Variants in PRKG1 observed in about 807,000 individuals in gnomAD.
PRKG1 encodes cGMP-dependent protein kinase 1.
Under a neutral mutation model 88.1 loss-of-function variants are expected in PRKG1, and 35 were observed. The observed-to-expected ratio is 0.40, with a 90% confidence interval of 0.30 to 0.53. The LOEUF is 0.53. PRKG1 is among the 20% of genes least tolerant of loss of function. The pLI is 0.59. For synonymous variants in PRKG1, 303 were observed against 292.5 expected, an observed-to-expected ratio of 1.04 and a Z score of -0.37; for missense variants, 540 against 839.8, an observed-to-expected ratio of 0.64 and a Z score of 4.41.
chr10:52,118,835 A>G (rs981460812), intron 7 of PRKG1, among the ~76,000 whole-genome samples: 27 of 152,234 alleles, frequency 1.8e-4, no homozygotes, highest in African/African-American at 6.5e-4. Context: ...AGTTAAGATG[A>G]AATAGGAAAT....
chr10:51,939,876 C>G (rs1842869695), intron 5 of PRKG1, among the ~76,000 whole-genome samples: 1 of 151,890 alleles, frequency 6.6e-6, no homozygotes. Flanking sequence ...ATCCTGTTTA[C>G]ATTCTCTTAG....
chr10:51,633,199 C>T (rs116391589), intron 3 of PRKG1, among the ~76,000 whole-genome samples: 16 of 152,156 alleles, frequency 1.1e-4, no homozygotes, highest in South Asian at 1.0e-3. Flanking sequence ...TAGAGGCAAC[C>T]ACTCACATAT....
intron 2 of PRKG1, among the ~76,000 whole-genome samples, chr10:51,354,553 A>G (rs1406364762): frequency 6.6e-6 from 1 of 152,138 alleles, no homozygotes; most frequent in Non-Finnish European, 1.5e-5. Context: ...ATATAATTAT[A>G]GCTGAATAAT....
At chr10:51,931,438 A>AC (rs1241903601) in intron 5 of PRKG1, among the ~76,000 whole-genome samples, 3 of 152,076 alleles carry the variant, frequency 2.0e-5, no homozygotes, top group Non-Finnish European at 4.4e-5. Flanking sequence ...ACATAGCGAG[A>AC]CCCCCATCGC....
intron 1 of PRKG1, among the ~76,000 whole-genome samples, chr10:51,103,573 C>T (rs569913714): frequency 2.2e-4 from 34 of 152,248 alleles, no homozygotes; most frequent in Admixed American, 8.5e-4. Context: ...CTACTTTACA[C>T]GCCTTCTCTG....
At chr10:51,008,106 G>A (rs1564568991) in intron 1 of PRKG1, among the ~76,000 whole-genome samples, 1 of 152,128 alleles carries the variant, frequency 6.6e-6, no homozygotes, top group Non-Finnish European at 1.5e-5. Context: ...ATTGGGCTTT[G>A]TGAAGACCTT....
At chr10:51,781,067 T>C (rs1838576258) in intron 3 of PRKG1, among the ~76,000 whole-genome samples, 1 of 152,118 alleles carries the variant, frequency 6.6e-6, no homozygotes, top group South Asian at 2.1e-4. Context: ...GATGGGGTGG[T>C]GTTTAAGATA....
chr10:52,127,378 A>C (rs1847954554), intron 7 of PRKG1, among the ~76,000 whole-genome samples: 1 of 152,150 alleles, frequency 6.6e-6, no homozygotes, highest in African/African-American at 2.4e-5. Context: ...AAAAGTTAGA[A>C]ATGAAGATTT....
intron 1 of PRKG1, among the ~76,000 whole-genome samples, chr10:51,035,671 C>A (rs1346591626): frequency 4.6e-5 from 7 of 152,078 alleles, no homozygotes; most frequent in Admixed American, 4.6e-4. Context: ...CAGATACATT[C>A]TTTTTTAAAA....
chr10:51,786,677 A>G (rs1838738417), intron 3 of PRKG1, among the ~76,000 whole-genome samples: 1 of 152,188 alleles, frequency 6.6e-6, no homozygotes, highest in Non-Finnish European at 1.5e-5. Flanking sequence ...AGAAGAGGAA[A>G]TATATGTGTC....
At chr10:51,182,709 A>G (rs1564630141) in intron 2 of PRKG1, among the ~76,000 whole-genome samples, 1 of 152,124 alleles carries the variant, frequency 6.6e-6, no homozygotes, top group Non-Finnish European at 1.5e-5. Flanking sequence ...CAAGTGGCAG[A>G]TTTGCATGCA....
intron 7 of PRKG1, among the ~76,000 whole-genome samples, chr10:52,108,858 G>T (rs187631110): frequency 7.8e-6 from 1 of 127,556 alleles, no homozygotes; most frequent in African/African-American, 3.3e-5. Flanking sequence ...ATGGAGTGTC[G>T]CTCTGTCGCC....
At chr10:51,963,974 C>T (rs1038107224) in intron 5 of PRKG1, among the ~76,000 whole-genome samples, 2 of 152,156 alleles carry the variant, frequency 1.3e-5, no homozygotes, top group South Asian at 2.1e-4. Context: ...TGAAACGAAT[C>T]TAACAGATTA....
Position 50,991,305 on chromosome 10 carries a change from G to A in PRKG1, c.-74G>A, listed in dbSNP as rs966193875. The A allele has an allele frequency of 8.7e-6, 12 of 1,383,980 alleles. No homozygotes were observed. Among genetic ancestry groups the A allele is most frequent in the Admixed American group, 2.8e-5 (1 of 35,452 alleles). The allele number at this position is 1,383,980 out of a possible 1,614,324, so 85.7% of individuals were successfully genotyped here. A position where few individuals can be genotyped will look rare whatever the true frequency, so the allele number is the denominator to read the frequency against. On this transcript the variant is annotated 5_prime_UTR_variant, in exon 1 of 18. Coordinates refer to the PRKG1 transcript ENST00000401604. This position sits in a 1 kb window ranked among gnomAD's most constrained non-coding sequence, Gnocchi z 4.5. ...CCCGCGCTCTCCGCTGCCGGCTGCC[G>A]TCCCAGCCGCCGCCGCCGCCGCCGC...
At chr10:51,691,719 G>A (rs888591697) in intron 3 of PRKG1, among the ~76,000 whole-genome samples, 5 of 152,154 alleles carry the variant, frequency 3.3e-5, no homozygotes, top group Admixed American at 6.5e-5. Context: ...TTGTAAGCTC[G>A]AAGGCTAGGA....
intron 9 of PRKG1, among the ~76,000 whole-genome samples, chr10:52,233,080 T>C (rs1409097059): frequency 6.6e-6 from 1 of 151,792 alleles, no homozygotes; most frequent in Non-Finnish European, 1.5e-5. Flanking sequence ...TCTTCTATTA[T>C]CAAAAAGCCT....
At chr10:52,120,042 GGAGACA>G (rs1313919032) in intron 7 of PRKG1, among the ~76,000 whole-genome samples, 4 of 150,686 alleles carry the variant, frequency 2.7e-5, no homozygotes, top group Non-Finnish European at 4.4e-5. Flanking sequence ...ACAGAGAGAG[GGAGACA>G]GAGACAGAGA....
At chr10:51,278,428 GTC>G (rs1333970024) in intron 2 of PRKG1, among the ~76,000 whole-genome samples, 4 of 152,104 alleles carry the variant, frequency 2.6e-5, no homozygotes, top group African/African-American at 9.7e-5. Context: ...TTTTTGTTGT[GTC>G]TCTGCTAGGC....
chr10:52,221,213 T>C (rs1840236952), intron 9 of PRKG1, among the ~76,000 whole-genome samples: 1 of 152,154 alleles, frequency 6.6e-6, no homozygotes, highest in African/African-American at 2.4e-5. Flanking sequence ...CTTGATGGGC[T>C]AAGACAGAAC....
Sources: gnomAD v4.1 joint callset for allele counts (sites outside exome capture counted in the v4.1 genomes callset) on GRCh38, gnomAD v4.1.1 for gene constraint, Gnocchi (gnomAD v3.1) non-coding constraint, MANE v1.5 for transcripts, NCBI Gene and HGNC (gene_info 2026-07-23, HGNC 2026-07-21) for gene names.